CCBE1: variants seen among roughly 807,000 people sequenced by gnomAD.
The protein encoded by CCBE1 is collagen and calcium-binding EGF domain-containing protein 1.
Under a neutral mutation model 50.0 loss-of-function variants are expected in CCBE1, and 37 were observed. The observed-to-expected ratio is 0.74, with a 90% CI of 0.57 to 0.97. CCBE1 has a LOEUF of 0.97. Ranked by LOEUF, CCBE1 falls within the 50% of genes least tolerant of loss-of-function variation. CCBE1 has a pLI of 0.00. For missense variants in CCBE1, 538 were observed against 523.8 expected (o/e 1.03, Z -0.26); for synonymous variants, 234 against 203.7 (o/e 1.15, Z -1.27).
At chr18:59,596,330 A>G (rs1474206833) in intron 2 of CCBE1, among the ~76,000 whole-genome samples, 1 of 152,182 alleles carries the variant, frequency 6.6e-6, no homozygotes, top group East Asian at 1.9e-4. Flanking sequence ...GCAGAAGTCT[A>G]CTTTTTAAAA....
intron 2 of CCBE1, among the ~76,000 whole-genome samples, chr18:59,596,347 T>C (rs751336542): frequency 3.9e-5 from 6 of 152,204 alleles, no homozygotes; most frequent in Non-Finnish European, 8.8e-5. Context: ...AAAAATAATT[T>C]TGTCCAATAA....
chr18:59,553,128 C>T (rs1302531452), intron 2 of CCBE1, among the ~76,000 whole-genome samples: 1 of 152,198 alleles, frequency 6.6e-6, no homozygotes, highest in Non-Finnish European at 1.5e-5. Flanking sequence ...ATCTTGAGAT[C>T]ATTAGGACAG....
intron 2 of CCBE1, among the ~76,000 whole-genome samples, chr18:59,503,459 C>T (rs1913723662): frequency 6.6e-6 from 1 of 152,144 alleles, no homozygotes; most frequent in African/African-American, 2.4e-5. Flanking sequence ...AATTGGAGGC[C>T]AGATCTGCCT....
intron 2 of CCBE1, among the ~76,000 whole-genome samples, chr18:59,669,362 C>T (rs2054401720): frequency 6.6e-6 from 1 of 152,212 alleles, no homozygotes; most frequent in Non-Finnish European, 1.5e-5. Flanking sequence ...CTACTCCCAC[C>T]AGCCATCTCG....
chr18:59,666,845 G>C (rs2054364697), intron 2 of CCBE1, among the ~76,000 whole-genome samples: 1 of 152,118 alleles, frequency 6.6e-6, no homozygotes, highest in South Asian at 2.1e-4. Flanking sequence ...CGTGCCTGTA[G>C]TCCCAGCTTT....
At chr18:59,643,563 C>T (rs1329991313) in intron 2 of CCBE1, among the ~76,000 whole-genome samples, 1 of 152,116 alleles carries the variant, frequency 6.6e-6, no homozygotes, top group East Asian at 1.9e-4. Flanking sequence ...CTTTGGAAGG[C>T]CGAGGTGGAT....
chr18:59,479,300 C>T (rs1392970045), intron 3 of CCBE1, among the ~76,000 whole-genome samples: 1 of 152,176 alleles, frequency 6.6e-6, no homozygotes, highest in Non-Finnish European at 1.5e-5. Flanking sequence ...TGTTTAAGTC[C>T]TGGGCAGTCT....
intron 2 of CCBE1, among the ~76,000 whole-genome samples, chr18:59,641,236 A>T (rs377689998): frequency 1.2e-4 from 6 of 49,640 alleles, no homozygotes; most frequent in African/African-American, 3.7e-4. Flanking sequence ...TACAATGGAT[A>T]AAAAAAATGT....
chr18:59,647,079 A>G (rs1045727607), intron 2 of CCBE1, among the ~76,000 whole-genome samples: 1 of 152,248 alleles, frequency 6.6e-6, no homozygotes, highest in Non-Finnish European at 1.5e-5. Context: ...TGACTAAAGC[A>G]AAAAGCTGAT....
At chr18:59,561,842 G>A (rs2052743853) in intron 2 of CCBE1, among the ~76,000 whole-genome samples, 1 of 152,196 alleles carries the variant, frequency 6.6e-6, no homozygotes, top group Non-Finnish European at 1.5e-5. Context: ...TCAAGCAGCC[G>A]AGACAGGGTG....
chr18:59,607,428 T>A (rs957004902), intron 2 of CCBE1, among the ~76,000 whole-genome samples: 2 of 152,120 alleles, frequency 1.3e-5, no homozygotes, highest in Non-Finnish European at 2.9e-5. Context: ...GCAGAATCAT[T>A]CCAAATTTCA....
intron 5 of CCBE1, among the ~76,000 whole-genome samples, chr18:59,463,487 T>G (rs912998397): frequency 1.3e-5 from 2 of 152,150 alleles, no homozygotes; most frequent in Non-Finnish European, 2.9e-5. Flanking sequence ...TGAAGAGGAA[T>G]GTGGGTGGAG....
intron 2 of CCBE1, among the ~76,000 whole-genome samples, chr18:59,601,364 T>A (rs1221102086): frequency 6.6e-6 from 1 of 152,068 alleles, no homozygotes; most frequent in Non-Finnish European, 1.5e-5. Context: ...CTCATGACAG[T>A]AAGTCTCACG....
chr18:59,438,243 A>C (rs1327422632), intron 9 of CCBE1, 97 bp from the exon 10 acceptor site: 16 of 1,062,888 alleles, frequency 1.5e-5, no homozygotes, highest in Non-Finnish European at 2.3e-5. Context: ...TCCCTGCACA[A>C]AACAATAAAC....
chr18:59,442,665 T>G (rs573920055), intron 7 of CCBE1, among the ~76,000 whole-genome samples: 1 of 151,986 alleles, frequency 6.6e-6, no homozygotes, highest in African/African-American at 2.4e-5. Flanking sequence ...GAGGCAGAGA[T>G]TGCAGTGAGC....
At chr18:59,616,548 T>C (rs1054844149) in intron 2 of CCBE1, among the ~76,000 whole-genome samples, 5 of 152,160 alleles carry the variant, frequency 3.3e-5, no homozygotes, top group African/African-American at 9.7e-5. Flanking sequence ...GGCAGTGCCA[T>C]CTTGGCTGGA....
chr18:59,560,794 G>A (rs1201639486), intron 2 of CCBE1, among the ~76,000 whole-genome samples: 1 of 152,216 alleles, frequency 6.6e-6, no homozygotes, highest in East Asian at 1.9e-4. Flanking sequence ...CAGGATGGGT[G>A]TGTTGATGGA....
intron 2 of CCBE1, among the ~76,000 whole-genome samples, chr18:59,620,255 G>T (rs1001420965): frequency 2.0e-5 from 3 of 152,106 alleles, no homozygotes; most frequent in Non-Finnish European, 2.9e-5. Flanking sequence ...GTCTTCCAGT[G>T]GGGGGAGAGA....
At chr18:59,585,608 T>C (rs969993133) in intron 2 of CCBE1, among the ~76,000 whole-genome samples, 1 of 152,232 alleles carries the variant, frequency 6.6e-6, no homozygotes, top group East Asian at 1.9e-4. Flanking sequence ...GCAAAATATC[T>C]TATTTTGTTA....
Sources: allele counts gnomAD v4.1 joint callset (sites outside exome capture counted in the v4.1 genomes callset), GRCh38; gene constraint gnomAD v4.1.1; transcripts MANE v1.5; gene names NCBI Gene and HGNC (gene_info 2026-07-23, HGNC 2026-07-21).